The following EP400 variants were observed in gnomAD, a reference collection of about 807,000 sequenced individuals.
The protein encoded by EP400 is E1A-binding protein p400.
A neutral mutation model predicts 354.1 loss-of-function variants in EP400; 105 were observed. The observed-to-expected ratio is 0.30, with a 90% CI of 0.25 to 0.35. The LOEUF is 0.35. Ranked by LOEUF, EP400 falls within the 10% of genes least tolerant of loss-of-function variation. The pLI is 1.00. For missense variants in EP400, 3,280 were observed against 4,121.0 expected (o/e 0.80, Z 5.59); for synonymous variants, 1,646 against 1,716.9 (o/e 0.96, Z 1.02).
At chr12:131,966,300 T>G (rs901361726) in intron 2 of EP400, among the ~76,000 whole-genome samples, 2 of 151,810 alleles carry the variant, frequency 1.3e-5, no homozygotes, top group Non-Finnish European at 2.9e-5. Flanking sequence ...GGACTAGGCA[T>G]GATGGCTCAT....
At chr12:132,006,585 T>A in intron 14 of EP400, 115 bp from the exon 15 acceptor site, 1 of 1,109,136 alleles carries the variant, frequency 9.0e-7, no homozygotes, top group Non-Finnish European at 1.3e-6. Context: ...TTTCTGTAGA[T>A]CATTTTTGTG....
At chr12:131,989,921 G>T (rs766195267) in intron 7 of EP400, 43 bp from the exon 8 acceptor site, 3 of 1,588,584 alleles carry the variant, frequency 1.9e-6, no homozygotes, top group Admixed American at 1.9e-5. Context: ...TTTCCAGCAT[G>T]ACATAGAGTA....
chr12:132,006,677 C>G, intron 14 of EP400, 23 bp from the exon 15 acceptor site: 1 of 1,552,056 alleles, frequency 6.4e-7, no homozygotes, highest in African/African-American at 1.4e-5. Context: ...AGCTGTCATT[C>G]TTTTATTTGT....
intron 2 of EP400, among the ~76,000 whole-genome samples, chr12:131,971,236 C>T (rs1056462926): frequency 6.6e-6 from 1 of 152,144 alleles, no homozygotes; most frequent in Non-Finnish European, 1.5e-5. Flanking sequence ...GTAAGTGATA[C>T]TGTACAGCAT....
At chr12:132,008,688 C>T (rs988617411) in intron 15 of EP400, among the ~76,000 whole-genome samples, 1 of 150,178 alleles carries the variant, frequency 6.7e-6, no homozygotes, top group Non-Finnish European at 1.5e-5. Context: ...TCAAGAGGAT[C>T]GCTTGAGGCC....
chr12:132,017,773 A>C lies in EP400; in HGVS notation c.4110+52A>C. On this transcript the variant is annotated intron_variant, in intron 20 of 52. Coordinates refer to ENST00000389561, the MANE Select transcript of EP400 (RefSeq NM_015409.5). The surrounding 1 kb of genome is among the most constrained non-coding windows in gnomAD (Gnocchi z 5.0). ...TTACTGTTGGATATCTTTTCTAGGC[A>C]CATTATAGATAAAACCATTCTTGGA... 6.7e-7 allele frequency: 1 copy of C among 1,483,624 alleles called. No homozygotes were observed. The highest frequency in any genetic ancestry group is 9.0e-7 in the Non-Finnish European group (1 of 1,115,330). The allele number at this position is 1,483,624 out of a possible 1,614,324, so 91.9% of individuals were successfully genotyped here.
At chr12:131,993,828 A>C (rs1593332655) in intron 11 of EP400, among the ~76,000 whole-genome samples, 1 of 152,222 alleles carries the variant, frequency 6.6e-6, no homozygotes, top group Non-Finnish European at 1.5e-5. Flanking sequence ...ACAGGGTCCC[A>C]TTGCATATGC....
At chr12:131,983,742 C>T (rs1447679155) in intron 5 of EP400, among the ~76,000 whole-genome samples, 1 of 152,196 alleles carries the variant, frequency 6.6e-6, no homozygotes, top group Non-Finnish European at 1.5e-5. Flanking sequence ...TGCAGTGACA[C>T]GATCTCTGCT....
In EP400 at chr12:132,025,926, G is replaced by C. The variant is rs1173694620; in HGVS notation, c.5014+122G>C. 1 of 1,195,392 alleles carries C rather than the reference G, an allele frequency of 8.4e-7. No homozygotes were observed. The highest frequency in any genetic ancestry group is 1.1e-6 in the Non-Finnish European group (1 of 904,546). 74.0% of individuals were successfully genotyped at this position (1,195,392 alleles called of 1,614,324 possible). ...TCAGAACAGCACAGTCTAGTGTGTG[G>C]CCATCTCTGATTTCTATAGATGTGT... On this transcript the variant is annotated intron_variant, in intron 25 of 52. Transcript: ENST00000389561. The surrounding 1 kb of genome is among the most constrained non-coding windows in gnomAD (Gnocchi z 4.1).
At chr12:131,963,615 T>A in intron 2 of EP400, 1 of 1,598,294 alleles carries the variant, frequency 6.3e-7, no homozygotes, top group Non-Finnish European at 8.5e-7. Context: ...TTTCTGCTGC[T>A]TTTTCATCCC....
chr12:131,952,235 G>A (rs1449698126), intron 1 of EP400, among the ~76,000 whole-genome samples: 5 of 149,612 alleles, frequency 3.3e-5, no homozygotes, highest in Non-Finnish European at 5.9e-5. Flanking sequence ...CCTGGGAGGC[G>A]GAGCTTGCAG....
At chr12:132,036,342 GCA>G (rs964004585) in intron 30 of EP400, among the ~76,000 whole-genome samples, 3 of 138,950 alleles carry the variant, frequency 2.2e-5, no homozygotes, top group Non-Finnish European at 4.6e-5. Context: ...TCGTGGAAGG[GCA>G]CACACAGGTT....
intron 7 of EP400, 100 bp downstream of exon 7, chr12:131,987,990 T>TA: frequency 1.2e-6 from 1 of 858,546 alleles, no homozygotes; most frequent in East Asian, 3.3e-5. Context: ...CCACTTTTTT[T>TA]TTTTTTTTTT....
At chr12:132,055,728 GGTGTGTGTGTGAAGTGTAGGAGGGTAT>G (rs1489551910) in intron 45 of EP400, among the ~76,000 whole-genome samples, 1 of 145,724 alleles carries the variant, frequency 6.9e-6, no homozygotes, top group Admixed American at 6.8e-5. Context: ...GAAGTGTAGG[GGTGTGTGTGTGAAGTGTAGGAGGGTAT>G]GTGTGTGTGT....
intron 6 of EP400, 109 bp from the exon 7 acceptor site, chr12:131,987,596 G>A (rs1226267788): frequency 2.3e-6 from 2 of 886,310 alleles, no homozygotes; most frequent in East Asian, 5.6e-5. Context: ...CTCTTTCTTA[G>A]TGCCTGACTG....
chr12:132,044,957 C>T lies in EP400; in HGVS notation c.6784+4C>T, dbSNP rs201257796. On this transcript the variant is annotated splice_donor_region_variant and intron_variant, in intron 37 of 52. Transcript: ENST00000389561. Reference sequence around the variant, plus strand: ...CGACACAAAACAGACCCCTCAGGTGCGCATCCCGAGGGCGTCACATGACCT... The same window carrying T: ...CGACACAAAACAGACCCCTCAGGTGTGCATCCCGAGGGCGTCACATGACCT... The T allele has an allele frequency of 8.1e-6, 13 of 1,613,510 alleles. No homozygotes were observed. The highest frequency in any genetic ancestry group is 4.5e-5 in the East Asian group (2 of 44,892).
At position 132,025,812 on chromosome 12, in the gene EP400, GC is replaced by G; in HGVS notation, c.5014+9del. ...CACCCTTGACCCCACAAGGTAGGGT[GC>G]TCTGAGCAGGAGGGAGACTTGGCTT... On this transcript the variant is annotated intron_variant, in intron 25 of 52. Transcript: ENST00000389561. This position sits in a 1 kb window ranked among gnomAD's most constrained non-coding sequence, Gnocchi z 4.1. The G allele has an allele frequency of 6.3e-7, 1 of 1,584,096 alleles. No individual in the cohort carries two copies. The highest frequency in any genetic ancestry group is 8.6e-7 in the Non-Finnish European group (1 of 1,167,788).
chr12:131,976,081 T>C (rs1263005978), intron 2 of EP400, among the ~76,000 whole-genome samples: 2 of 152,322 alleles, frequency 1.3e-5, no homozygotes, highest in East Asian at 3.9e-4. Flanking sequence ...TTTTCACTTC[T>C]AGTATCTCCA....
chr12:132,054,590 A>T lies in EP400; in HGVS notation c.7729-384A>T, dbSNP rs1304245456. Among the ~76,000 whole-genome samples, 1 of 152,214 alleles carries T rather than the reference A, an allele frequency of 6.6e-6. No homozygotes were observed. Among genetic ancestry groups the T allele is most frequent in the Non-Finnish European group, 1.5e-5 (1 of 68,038 alleles). On this transcript the variant is annotated intron_variant, in intron 43 of 52. Coordinates refer to ENST00000389561, the MANE Select transcript of EP400 (RefSeq NM_015409.5). The surrounding 1 kb of genome is among the most constrained non-coding windows in gnomAD (Gnocchi z 4.0). ...TGACAAGGAGTTGGTCATAAGAAGA[A>T]CAAAACAGCAAGTACAGAGGCCCTG... is the stretch of plus-strand genomic sequence containing the variant.
Sources: gnomAD v4.1 joint callset for allele counts (sites outside exome capture counted in the v4.1 genomes callset) on GRCh38, gnomAD v4.1.1 for gene constraint, Gnocchi (gnomAD v3.1) non-coding constraint, MANE v1.5 for transcripts, NCBI Gene and HGNC (gene_info 2026-07-23, HGNC 2026-07-21) for gene names.